The following HPSE2 variants were observed in gnomAD, a reference collection of about 807,000 sequenced individuals.
HPSE2 encodes the protein heparanase 2 (inactive), also known as inactive heparanase-2.
HPSE2 carries 38 observed loss-of-function variants against 60.5 expected under a neutral mutation model. That is an observed-to-expected ratio of 0.63 (90% CI 0.48 to 0.82). The LOEUF (loss-of-function observed/expected upper bound fraction) is 0.82. Ranked by LOEUF, HPSE2 falls within the 40% of genes least tolerant of loss-of-function variation. The pLI is 0.00. For synonymous variants in HPSE2, 295 were observed against 293.2 expected (o/e 1.01, Z -0.06); for missense variants, 713 against 740.4 (o/e 0.96, Z 0.43).
At chr10:98,668,446 G>A (rs775107582) in intron 6 of HPSE2, among the ~76,000 whole-genome samples, 14 of 152,046 alleles carry the variant, frequency 9.2e-5, no homozygotes, top group East Asian at 1.9e-4. Context: ...AAAGGAGCCC[G>A]ATTAGCCAAA....
At chr10:98,772,797 C>T (rs1275202050) in intron 3 of HPSE2, among the ~76,000 whole-genome samples, 1 of 152,116 alleles carries the variant, frequency 6.6e-6, no homozygotes, top group Non-Finnish European at 1.5e-5. Context: ...AATAATCTTC[C>T]ATGTACAAAT....
At chr10:99,135,207 C>A (rs1318630321) in intron 3 of HPSE2, among the ~76,000 whole-genome samples, 1 of 82,892 alleles carries the variant, frequency 1.2e-5, no homozygotes, top group African/African-American at 3.2e-5. Flanking sequence ...GAACACTCAG[C>A]AAGTTCTTAG....
intron 2 of HPSE2, among the ~76,000 whole-genome samples, chr10:99,214,809 T>C (rs1849066117): frequency 6.6e-6 from 1 of 151,170 alleles, no homozygotes; most frequent in African/African-American, 2.4e-5. Context: ...AAAGAAGACA[T>C]TTAAGTGGCC....
chr10:98,938,576 G>A (rs1954884321), intron 3 of HPSE2, among the ~76,000 whole-genome samples: 1 of 143,928 alleles, frequency 6.9e-6, no homozygotes, highest in Admixed American at 6.9e-5. Flanking sequence ...CAAGTAATAT[G>A]GGACTATGTG....
intron 5 of HPSE2, among the ~76,000 whole-genome samples, chr10:98,714,295 T>C (rs1948742768): frequency 6.6e-6 from 1 of 151,986 alleles, no homozygotes; most frequent in Non-Finnish European, 1.5e-5. Flanking sequence ...TGTGCAACCA[T>C]TAACAATCTA....
At chr10:98,755,168 G>T (rs143333920) in intron 3 of HPSE2, among the ~76,000 whole-genome samples, 2 of 152,092 alleles carry the variant, frequency 1.3e-5, no homozygotes. Context: ...AAAGTAAAGA[G>T]ATGGAGAAAA....
intron 3 of HPSE2, among the ~76,000 whole-genome samples, chr10:99,023,792 G>A (rs771470652): frequency 6.6e-6 from 1 of 152,214 alleles, no homozygotes; most frequent in East Asian, 1.9e-4. Flanking sequence ...TGGGTTTGGG[G>A]TGCCCCCAAA....
At chr10:98,693,554 T>C (rs938765073) in intron 6 of HPSE2, among the ~76,000 whole-genome samples, 1 of 152,242 alleles carries the variant, frequency 6.6e-6, no homozygotes. Context: ...GCCTGTCTTA[T>C]ACAAGGAAAT....
intron 9 of HPSE2, among the ~76,000 whole-genome samples, chr10:98,533,540 C>T (rs779430735): frequency 5.3e-5 from 8 of 152,100 alleles, no homozygotes; most frequent in Non-Finnish European, 1.2e-4. Context: ...GTTCCAAACA[C>T]CAGTTAACTC....
intron 4 of HPSE2, among the ~76,000 whole-genome samples, chr10:98,722,811 C>T (rs12765708): frequency 0.15 from 22,213 of 152,020 alleles, 1,968 homozygotes; most frequent in Admixed American, 0.23. Context: ...ATGATACTGG[C>T]AGGTACAAGA....
intron 3 of HPSE2, among the ~76,000 whole-genome samples, chr10:98,863,718 A>G (rs1952516944): frequency 6.6e-6 from 1 of 152,182 alleles, no homozygotes; most frequent in Admixed American, 6.5e-5. Flanking sequence ...GTCATTTATA[A>G]GTGTGTTTAC....
chr10:98,989,227 A>C (rs1216438981), intron 3 of HPSE2, among the ~76,000 whole-genome samples: 9 of 152,112 alleles, frequency 5.9e-5, no homozygotes, highest in Admixed American at 1.3e-4. Flanking sequence ...TTCACAACAG[A>C]AAAGACTTGG....
chr10:99,025,696 C>T (rs958463892), intron 3 of HPSE2, among the ~76,000 whole-genome samples: 3 of 151,854 alleles, frequency 2.0e-5, no homozygotes, highest in Non-Finnish European at 4.4e-5. Context: ...ACTGGGTATA[C>T]CTGAGTGGGG....
chr10:99,131,596 C>T (rs1845386721), intron 3 of HPSE2, among the ~76,000 whole-genome samples: 1 of 152,042 alleles, frequency 6.6e-6, no homozygotes, highest in African/African-American at 2.4e-5. Context: ...TTTGCAGCAA[C>T]TTGGATGGAA....
intron 3 of HPSE2, among the ~76,000 whole-genome samples, chr10:98,935,676 G>A (rs1448659235): frequency 1.4e-5 from 2 of 144,102 alleles, no homozygotes; most frequent in African/African-American, 5.6e-5. Flanking sequence ...TCCCAGAGGG[G>A]CACTGACCTG....
At chr10:98,791,815 T>C (rs1950661250) in intron 3 of HPSE2, among the ~76,000 whole-genome samples, 1 of 152,206 alleles carries the variant, frequency 6.6e-6, no homozygotes, top group South Asian at 2.1e-4. Context: ...AACAGAGCCA[T>C]GAGTCAAAGT....
chr10:99,149,001 T>C (rs1846161322), intron 2 of HPSE2, among the ~76,000 whole-genome samples: 1 of 151,806 alleles, frequency 6.6e-6, no homozygotes, highest in Non-Finnish European at 1.5e-5. Context: ...ACACCACCTG[T>C]TCCCCCAAAA....
chr10:98,648,444 TAACA>T (rs1460064230), intron 6 of HPSE2, among the ~76,000 whole-genome samples: 4 of 152,110 alleles, frequency 2.6e-5, no homozygotes, highest in Admixed American at 1.3e-4. Context: ...GTCTGAAACT[TAACA>T]CAAGTTGTGG....
intron 3 of HPSE2, among the ~76,000 whole-genome samples, chr10:99,102,598 T>C (rs531020038): frequency 3.6e-4 from 54 of 152,100 alleles, no homozygotes; most frequent in African/African-American, 1.0e-3. Context: ...TTCCAATCAA[T>C]AGAAAAAGAG....
Sources: allele counts gnomAD v4.1 joint callset (sites outside exome capture counted in the v4.1 genomes callset), GRCh38; gene constraint gnomAD v4.1.1; transcripts MANE v1.5; gene names NCBI Gene and HGNC (gene_info 2026-07-23, HGNC 2026-07-21).